CNTNAP4: variants seen among roughly 807,000 people sequenced by gnomAD.
CNTNAP4 encodes contactin-associated protein-like 4.
In CNTNAP4, 98 loss-of-function variants were observed where a neutral mutation model predicts 148.4. The observed-to-expected ratio is 0.66, with a 90% CI of 0.56 to 0.78. The LOEUF (loss-of-function observed/expected upper bound fraction) is 0.78. CNTNAP4 is among the 30% of genes least tolerant of loss of function. The pLI is 0.00. For synonymous variants in CNTNAP4, 730 were observed against 565.1 expected (o/e 1.29, Z -4.14); for missense variants, 1,935 against 1,565.6 (o/e 1.24, Z -3.98).
rs2082424845 is a variant in CNTNAP4, at chr16:76,497,102, G to A, written c.2238-1465G>A. On this transcript the variant is annotated intron_variant, in intron 14 of 23. Coordinates refer to ENST00000611870, the MANE Select transcript of CNTNAP4 (RefSeq NM_033401.5). ...AAAACTCAGATCTTCAGGAAGAAGT[G>A]AAAAGCACTGGAAATTGCAAATATG... Among the ~76,000 whole-genome samples, 3 of 152,198 alleles carry A rather than the reference G, an allele frequency of 2.0e-5. No individual in the cohort carries two copies. The South Asian group carries it at 6.2e-4, about 32-fold the overall frequency.
At chr16:76,513,799 G>C (rs890985418) in intron 15 of CNTNAP4, among the ~76,000 whole-genome samples, 27 of 152,124 alleles carry the variant, frequency 1.8e-4, no homozygotes, top group African/African-American at 6.0e-4. Flanking sequence ...ACAGTAATCT[G>C]AATATCAAGT....
chr16:76,328,198 C>T (rs1567720693), intron 2 of CNTNAP4, among the ~76,000 whole-genome samples: 1 of 152,198 alleles, frequency 6.6e-6, no homozygotes, highest in East Asian at 1.9e-4. Flanking sequence ...CAAACACCAC[C>T]TCATCTTGGT....
At chr16:76,451,294 C>T (rs979345375) in intron 7 of CNTNAP4, among the ~76,000 whole-genome samples, 4 of 152,150 alleles carry the variant, frequency 2.6e-5, no homozygotes, top group African/African-American at 9.7e-5. Context: ...TACTCAGAAG[C>T]AGACAAGTAA....
intron 2 of CNTNAP4, among the ~76,000 whole-genome samples, chr16:76,343,566 TACA>T (rs888462110): frequency 6.6e-5 from 10 of 152,096 alleles, no homozygotes; most frequent in Admixed American, 4.6e-4. Context: ...GGTTAGGAGA[TACA>T]ACAACAAGGA....
chr16:76,361,325 C>G (rs2013416011), intron 3 of CNTNAP4, among the ~76,000 whole-genome samples: 1 of 152,108 alleles, frequency 6.6e-6, no homozygotes, highest in African/African-American at 2.4e-5. Context: ...CCCTGGCAAC[C>G]ATCATTCAAC....
intron 23 of CNTNAP4, among the ~76,000 whole-genome samples, chr16:76,554,288 G>A (rs541618103): frequency 7.2e-5 from 11 of 152,206 alleles, no homozygotes; most frequent in Admixed American, 2.6e-4. Flanking sequence ...TTCTGGAAAG[G>A]TTCATGCAAA....
At chr16:76,293,837 A>ATTG (rs1567604147) in intron 1 of CNTNAP4, among the ~76,000 whole-genome samples, 1 of 124,300 alleles carries the variant, frequency 8.0e-6, no homozygotes, top group African/African-American at 2.7e-5. Context: ...TTTTTTTTTA[A>ATTG]AAAAAAGGAT....
At chr16:76,543,818 GA>G (rs1317237316) in intron 21 of CNTNAP4, among the ~76,000 whole-genome samples, 11 of 152,298 alleles carry the variant, frequency 7.2e-5, no homozygotes, top group African/African-American at 2.4e-4. Context: ...CAGCAGTGGG[GA>G]CCCTTGGTCA....
intron 2 of CNTNAP4, among the ~76,000 whole-genome samples, chr16:76,324,629 T>C (rs150219662): frequency 6.6e-6 from 1 of 152,188 alleles, no homozygotes; most frequent in African/African-American, 2.4e-5. Context: ...GAGTCTAGCA[T>C]GGTGTCTGGC....
At chr16:76,372,147 T>TA (rs893232582) in intron 3 of CNTNAP4, among the ~76,000 whole-genome samples, 1 of 150,350 alleles carries the variant, frequency 6.7e-6, no homozygotes, top group Non-Finnish European at 1.5e-5. Flanking sequence ...AATTTTTTTT[T>TA]TTTTTTTTTT....
chr16:76,510,478 T>TTG (rs74311727), intron 15 of CNTNAP4, among the ~76,000 whole-genome samples: 5 of 151,934 alleles, frequency 3.3e-5, no homozygotes, highest in Middle Eastern at 6.8e-3. Context: ...GCTTTTTTTT[T>TTG]TGTGGACAAA....
chr16:76,552,660 A>G (rs946842091), intron 21 of CNTNAP4, among the ~76,000 whole-genome samples: 10 of 152,198 alleles, frequency 6.6e-5, no homozygotes, highest in Non-Finnish European at 1.2e-4. Context: ...ACATAGGGGT[A>G]TAAAGGGTTT....
At chr16:76,453,477 A>G (rs1297499001) in intron 8 of CNTNAP4, among the ~76,000 whole-genome samples, 1 of 152,168 alleles carries the variant, frequency 6.6e-6, no homozygotes, top group African/African-American at 2.4e-5. Context: ...TAAAATTATA[A>G]AGTTCTTGAC....
At chr16:76,465,730 G>A in intron 9 of CNTNAP4, among the ~76,000 whole-genome samples, 1 of 152,142 alleles carries the variant, frequency 6.6e-6, no homozygotes, top group East Asian at 1.9e-4. Flanking sequence ...AGAAATTTAA[G>A]CGCTGGAAAT....
At position 76,370,637 on chromosome 16, in the gene CNTNAP4, C is replaced by T. The variant is rs146571711; in HGVS notation, c.390+15126C>T. Among the ~76,000 whole-genome samples the T allele has an allele frequency of 4.5e-3, 683 of 152,222 alleles. 6 individuals carry two copies. The highest frequency in any genetic ancestry group is 0.014 in the African/African-American group (581 of 41,558). Reference sequence around the variant, plus strand: ...GGGTCAGAGCAGGGAAAGGGTGACACGTGGTTCTAAGTGAAACAGAACGAT... The same window carrying T: ...GGGTCAGAGCAGGGAAAGGGTGACATGTGGTTCTAAGTGAAACAGAACGAT... On this transcript the variant is annotated intron_variant, in intron 3 of 23. Transcript: ENST00000611870.
Position 76,448,825 on chromosome 16 carries a change from A to G in CNTNAP4, c.801A>G (p.Leu267=), listed in dbSNP as rs150268678. The G allele has an allele frequency of 3.1e-6, 5 of 1,612,394 alleles. No individual in the cohort carries two copies. The highest frequency in any genetic ancestry group is 2.7e-5 in the African/African-American group (2 of 74,806). The part of the protein sequence containing the change: ...TLVNLTLGSL[L]DDQHWHSVLI... ...TCAATCTCACCCTGGGCAGCCTGCT[A>G]GATGATCAGCATTGGCATTCAGTGC... is the stretch of plus-strand genomic sequence containing the variant. The change falls in exon 6 of 24, where the codon CTA becomes CTG. Residue 267 remains leucine (L), a synonymous_variant. Coordinates refer to ENST00000611870, the MANE Select transcript of CNTNAP4 (RefSeq NM_033401.5).
At chr16:76,343,656 A>G (rs544684010) in intron 2 of CNTNAP4, among the ~76,000 whole-genome samples, 4 of 152,294 alleles carry the variant, frequency 2.6e-5, no homozygotes, top group East Asian at 3.9e-4. Context: ...TCACCCACCA[A>G]TGGTTTGTTA....
rs188794563 is a variant in CNTNAP4 at position 76,342,354 on chromosome 16, G to A, written c.197-12964G>A. 3.6e-3 allele frequency among the ~76,000 whole-genome samples: 547 copies of A among 151,928 alleles called. 4 individuals carry two copies. Among genetic ancestry groups the A allele is most frequent in the Middle Eastern group, 0.014 (4 of 292 alleles). ...CTTCTCAGTTATGCATCTGTTGAAG[G>A]AAAAACTGGCATCATTAAATGAAAA... On this transcript the variant is annotated intron_variant, in intron 2 of 23. Coordinates refer to ENST00000611870, the MANE Select transcript of CNTNAP4 (RefSeq NM_033401.5).
intron 2 of CNTNAP4, among the ~76,000 whole-genome samples, chr16:76,345,569 C>T (rs898046181): frequency 8.6e-5 from 13 of 151,862 alleles, no homozygotes; most frequent in African/African-American, 2.7e-4. Flanking sequence ...ATTGGGGATG[C>T]GGGGGGGATT....
Sources: allele counts gnomAD v4.1 joint callset (sites outside exome capture counted in the v4.1 genomes callset), GRCh38; gene constraint gnomAD v4.1.1; transcripts MANE v1.5; gene names NCBI Gene and HGNC (gene_info 2026-07-23, HGNC 2026-07-21).